SYT2: variants seen among roughly 807,000 people sequenced by gnomAD.
SYT2 encodes the protein synaptotagmin-2.
A neutral mutation model predicts 39.9 loss-of-function variants in SYT2; 15 were observed. The observed-to-expected ratio is 0.38, with a 90% CI of 0.25 to 0.58. SYT2 has a LOEUF of 0.58. Ranked by LOEUF, SYT2 falls within the 20% of genes least tolerant of loss-of-function variation. The probability of loss-of-function intolerance (pLI) is 0.70; values close to 1 mark genes in which losing one functional copy is unlikely to be tolerated. For missense variants in SYT2, 389 were observed against 530.3 expected (o/e 0.73, Z 2.62); for synonymous variants, 181 against 204.5 (o/e 0.89, Z 0.98).
At chr1:202,608,497 G>A (rs1387492750) in intron 1 of SYT2, among the ~76,000 whole-genome samples, 50 of 151,350 alleles carry the variant, frequency 3.3e-4, no homozygotes, top group Admixed American at 3.2e-3. Flanking sequence ...GGCTGGTCTC[G>A]AGCTCCTGGC....
At chr1:202,669,124 G>A (rs1191195159) in intron 1 of SYT2, among the ~76,000 whole-genome samples, 1 of 152,208 alleles carries the variant, frequency 6.6e-6, no homozygotes, top group Non-Finnish European at 1.5e-5. Context: ...CTAACACAAA[G>A]TGAGATACTG....
At position 202,625,086 on chromosome 1, in the gene SYT2, T is replaced by C. The variant is rs1691343613; in HGVS notation, c.-17-19297A>G. Among the ~76,000 whole-genome samples, 4 of 147,898 alleles carry C rather than the reference T, an allele frequency of 2.7e-5. No homozygotes were observed. In the East Asian group the frequency reaches 8.3e-4, roughly 31 times the overall value. On this transcript the variant is annotated intron_variant, in intron 1 of 8. Coordinates refer to ENST00000367268, the MANE Select transcript of SYT2 (RefSeq NM_177402.5). The stretch of plus-strand genomic sequence containing the variant: ...GGTGTGTAGTAGGGTGTGTGTGTGG[T>C]TTGTGTGTGGTATGTGTGTGGTGTG...
At chr1:202,678,810 C>A (rs933254995) in intron 1 of SYT2, among the ~76,000 whole-genome samples, 9 of 152,146 alleles carry the variant, frequency 5.9e-5, no homozygotes, top group Non-Finnish European at 8.8e-5. Context: ...CTCCAGCTAC[C>A]CACATGCATC....
At chr1:202,660,042 G>A (rs550185929) in intron 1 of SYT2, among the ~76,000 whole-genome samples, 6 of 152,262 alleles carry the variant, frequency 3.9e-5, no homozygotes, top group South Asian at 2.1e-4. Context: ...CCTCTGCTTC[G>A]TGTATTTCCA....
At position 202,596,268 on chromosome 1, in the gene SYT2, GAC is replaced by G. The variant is rs58376514; in HGVS notation, c.*487_*488del. 2,043 of 119,484 alleles carry G rather than the reference GAC, an allele frequency of 0.017. 37 individuals are homozygous for G. The highest frequency in any genetic ancestry group is 0.045 in the African/African-American group (1,476 of 32,782). 7.4% of individuals were successfully genotyped at this position (119,484 alleles called of 1,614,324 possible). On this transcript the variant is annotated 3_prime_UTR_variant, in exon 9 of 9. Transcript: ENST00000367268. ...CCAGGAATGAAGAGAAATGCTCAAA[GAC>G]ACACACACACACACACACACACACA...
At chr1:202,672,102 G>C (rs1471498379) in intron 1 of SYT2, among the ~76,000 whole-genome samples, 1 of 152,170 alleles carries the variant, frequency 6.6e-6, no homozygotes, top group Non-Finnish European at 1.5e-5. Flanking sequence ...TCAGTATCAA[G>C]TAAATAAAAA....
intron 1 of SYT2, among the ~76,000 whole-genome samples, chr1:202,652,881 C>T (rs1487224278): frequency 6.6e-6 from 1 of 152,178 alleles, no homozygotes; most frequent in Admixed American, 6.5e-5. Context: ...CACCAATTCA[C>T]CTAAGATAAC....
At chr1:202,686,567 C>T (rs1653674450) in intron 1 of SYT2, among the ~76,000 whole-genome samples, 1 of 152,178 alleles carries the variant, frequency 6.6e-6, no homozygotes, top group Non-Finnish European at 1.5e-5. Context: ...GAGCTTCCCA[C>T]TCTCAGGTCC....
At chr1:202,619,390 C>A (rs1691143086) in intron 1 of SYT2, among the ~76,000 whole-genome samples, 1 of 152,172 alleles carries the variant, frequency 6.6e-6, no homozygotes, top group Non-Finnish European at 1.5e-5. Context: ...GGAGAGATGC[C>A]TGCTCCCAGC....
chr1:202,707,126 A>T (rs891156699), intron 1 of SYT2, among the ~76,000 whole-genome samples: 8 of 152,220 alleles, frequency 5.3e-5, no homozygotes, highest in Non-Finnish European at 1.0e-4. Context: ...CCTAGCACAG[A>T]TTCTCAAAAT....
intron 1 of SYT2, among the ~76,000 whole-genome samples, chr1:202,703,311 G>C (rs1238171411): frequency 1.4e-5 from 2 of 139,862 alleles, no homozygotes. Context: ...GCCCTACCCA[G>C]CTCAGCCCTG....
At chr1:202,642,812 C>T (rs1691956061) in intron 1 of SYT2, among the ~76,000 whole-genome samples, 1 of 152,190 alleles carries the variant, frequency 6.6e-6, no homozygotes, top group Non-Finnish European at 1.5e-5. Flanking sequence ...ATGCGCCCCG[C>T]ACCCACTTCT....
rs775229774 is a variant in SYT2 at position 202,600,491 on chromosome 1, C to A, written c.802-17G>T. 1.2e-6 allele frequency: 2 copies of A among 1,612,980 alleles called. No homozygotes were observed. The highest frequency in any genetic ancestry group is 1.7e-6 in the Non-Finnish European group (2 of 1,178,994). On this transcript the variant is annotated splice_polypyrimidine_tract_variant and intron_variant, in intron 6 of 8. Coordinates refer to ENST00000367268, the MANE Select transcript of SYT2 (RefSeq NM_177402.5). ...CTTCTCCGGCTGTCCAGGGGAAGAG[C>A]AGGACTTGGGTCATCTCACCCATCC...
rs940333068 is a variant in SYT2, at chr1:202,695,932, G to A, written c.-18+14326C>T. On this transcript the variant is annotated intron_variant, in intron 1 of 8. Transcript: ENST00000367268. The stretch of plus-strand genomic sequence containing the variant: ...CCTCCATTTGTGATACCACGGTCCC[G>A]ACTCTGGGCTTGTTCTTCTCCTCCC... Among the ~76,000 whole-genome samples the A allele has an allele frequency of 2.0e-5, 3 of 152,216 alleles. 1 individual carries two copies. Among genetic ancestry groups the A allele is most frequent in the South Asian group, 4.1e-4 (2 of 4,832 alleles).
intron 1 of SYT2, among the ~76,000 whole-genome samples, chr1:202,695,133 C>T (rs1039107504): frequency 6.6e-6 from 1 of 152,128 alleles, no homozygotes; most frequent in Non-Finnish European, 1.5e-5. Context: ...AGGTGTAGAG[C>T]ACCTTCCTCA....
chr1:202,619,359 G>A (rs906255630), intron 1 of SYT2, among the ~76,000 whole-genome samples: 22 of 152,180 alleles, frequency 1.4e-4, no homozygotes, highest in African/African-American at 3.4e-4. Flanking sequence ...GCAGCTGCCC[G>A]GAGAGGGAGG....
chr1:202,686,509 A>T (rs1344120382), intron 1 of SYT2, among the ~76,000 whole-genome samples: 2 of 152,004 alleles, frequency 1.3e-5, no homozygotes, highest in African/African-American at 2.4e-5. Context: ...CCTAATGCCT[A>T]TGTCCCACTG....
chr1:202,689,545 A>G (rs1165690048), intron 1 of SYT2, among the ~76,000 whole-genome samples: 1 of 152,140 alleles, frequency 6.6e-6, no homozygotes, highest in Non-Finnish European at 1.5e-5. Flanking sequence ...GTCCGGCTCC[A>G]CAACTCACTA....
intron 1 of SYT2, among the ~76,000 whole-genome samples, chr1:202,695,094 C>A (rs1653940171): frequency 6.6e-6 from 1 of 152,152 alleles, no homozygotes; most frequent in South Asian, 2.1e-4. Context: ...TAATCCCATG[C>A]CTTTGTGACC....
Sources: allele counts gnomAD v4.1 joint callset (sites outside exome capture counted in the v4.1 genomes callset), GRCh38; gene constraint gnomAD v4.1.1; transcripts MANE v1.5; gene names NCBI Gene and HGNC (gene_info 2026-07-23, HGNC 2026-07-21).